NCBP3: variants seen among roughly 807,000 people sequenced by gnomAD.
NCBP3 encodes nuclear cap binding subunit 3.
Under a neutral mutation model 75.7 loss-of-function variants are expected in NCBP3, and 20 were observed. That is an observed-to-expected ratio of 0.26 (90% confidence interval 0.19 to 0.38). The LOEUF is 0.38. NCBP3 is among the 10% of genes least tolerant of loss of function. The probability of loss-of-function intolerance (pLI) is 1.00; values close to 1 mark genes in which losing one functional copy is unlikely to be tolerated. For synonymous variants in NCBP3, 293 were observed against 290.5 expected, an observed-to-expected ratio of 1.01 and a Z score of -0.09; for missense variants, 678 against 796.9, an observed-to-expected ratio of 0.85 and a Z score of 1.80.
Position 3,846,196 on chromosome 17 carries a change from A to C in NCBP3, c.28T>G (p.Ser10Ala). Residue 10 changes from serine to alanine, a missense_variant, in exon 1 of 13, where the codon TCG (serine) becomes GCG (alanine). This residue lies in a region of NCBP3 where 76 missense variants were observed against 53.8 expected (regional missense o/e 1.41). Transcript: ENST00000389005. This position sits in a 1 kb window ranked among gnomAD's most constrained non-coding sequence, Gnocchi z 4.6. ...CCCGCCGGGGCCTCCGCCTTCACCG[A>C]CACCCGCAGGCCCCGTACGGCCGCC... MAAVRGLRV[S>A]VKAEAPAGPA... The C allele has an allele frequency of 1.3e-6, 2 of 1,504,338 alleles. No homozygotes were observed. The allele number at this position is 1,504,338 out of a possible 1,614,324, so 93.2% of individuals were successfully genotyped here.
At chr17:3,813,599 C>T (rs906393102) in intron 12 of NCBP3, among the ~76,000 whole-genome samples, 2 of 152,250 alleles carry the variant, frequency 1.3e-5, no homozygotes, top group African/African-American at 4.8e-5. Context: ...AGACACCACC[C>T]TGTGTGCCAA....
chr17:3,812,419 A>T lies in NCBP3; in HGVS notation c.*625T>A. The stretch of plus-strand genomic sequence containing the variant: ...TTGATCTTCACATCAAGCTGACAGC[A>T]CGTAAGAGGCCCATGCCATGAGCAA... On this transcript the variant is annotated 3_prime_UTR_variant, in exon 13 of 13. Transcript: ENST00000389005. 1 of 688,222 alleles carries T rather than the reference A, an allele frequency of 1.5e-6. No homozygotes were observed. The highest frequency in any genetic ancestry group is 1.8e-6 in the Non-Finnish European group (1 of 557,722). 42.6% of individuals were successfully genotyped at this position (688,222 alleles called of 1,614,324 possible). A position where few individuals can be genotyped will look rare whatever the true frequency, so the allele number is the denominator to read the frequency against.
intron 3 of NCBP3, among the ~76,000 whole-genome samples, chr17:3,835,071 G>T (rs2053950611): frequency 6.6e-6 from 1 of 152,176 alleles, no homozygotes; most frequent in Non-Finnish European, 1.5e-5. Flanking sequence ...GAAGCCACGT[G>T]TACACAATGG....
At chr17:3,814,021 G>A (rs977192890) in intron 12 of NCBP3, among the ~76,000 whole-genome samples, 2 of 152,148 alleles carry the variant, frequency 1.3e-5, no homozygotes, top group East Asian at 1.9e-4. Flanking sequence ...ATAAAATGCT[G>A]TATGAAAAAA....
Position 3,818,190 on chromosome 17 carries a change from T to C in NCBP3, c.1310+73A>G. The C allele has an allele frequency of 8.9e-7, 1 of 1,122,116 alleles. No homozygotes were observed. Among genetic ancestry groups the C allele is most frequent in the East Asian group, 2.6e-5 (1 of 39,002 alleles). 69.5% of individuals were successfully genotyped at this position (1,122,116 alleles called of 1,614,324 possible). On this transcript the variant is annotated intron_variant, in intron 10 of 12. Transcript: ENST00000389005. This position sits in a 1 kb window ranked among gnomAD's most constrained non-coding sequence, Gnocchi z 4.7. Reference sequence around the variant, plus strand: ...GAATAGATAAAAGATATTATAAAATTAGGAGGAATTAAGAAGTTATACTAG... The same window carrying C: ...GAATAGATAAAAGATATTATAAAATCAGGAGGAATTAAGAAGTTATACTAG...
In NCBP3 at chr17:3,821,997, C is replaced by T; in HGVS notation, c.852G>A (p.Gly284=). 6.2e-7 allele frequency: 1 copy of T among 1,613,298 alleles called. No homozygotes were observed. The highest frequency in any genetic ancestry group is 8.5e-7 in the Non-Finnish European group (1 of 1,179,604). Residue 284 remains glycine, a synonymous_variant, in exon 8 of 13, where the codon GGG becomes GGA. Transcript: ENST00000389005. ...CTTTCATGCCTCCATAATTTGGATTCCCATATTTCATGTAATACTGACTTC... is the reference window on the plus strand; with the variant it reads ...CTTTCATGCCTCCATAATTTGGATTTCCATATTTCATGTAATACTGACTTC... ...ARRSQYYMKY[G]NPNYGGMKGI...
At chr17:3,823,817 G>A (rs2053718216) in intron 7 of NCBP3, 1 of 152,070 alleles carries the variant, frequency 6.6e-6, no homozygotes, top group Non-Finnish European at 1.5e-5. Flanking sequence ...TAAAGTGAAC[G>A]TCCCTAGGAC....
Position 3,816,281 on chromosome 17 carries a change from G to C in NCBP3, c.1311-11C>G, listed in dbSNP as rs779927418. 11 of 1,610,392 alleles carry C rather than the reference G, an allele frequency of 6.8e-6. No individual in the cohort carries two copies. The highest frequency in any genetic ancestry group is 8.5e-6 in the Non-Finnish European group (10 of 1,178,204). ...GCCCTCATGGAGTTCCTTTAAAAAGGGGGTAGGATGGGGCACAGTTAACCA... is the reference window on the plus strand; with the variant it reads ...GCCCTCATGGAGTTCCTTTAAAAAGCGGGTAGGATGGGGCACAGTTAACCA... On this transcript the variant is annotated splice_polypyrimidine_tract_variant and intron_variant, in intron 10 of 12. Coordinates refer to ENST00000389005, the MANE Select transcript of NCBP3 (RefSeq NM_001114118.3).
intron 10 of NCBP3, among the ~76,000 whole-genome samples, chr17:3,817,616 G>A (rs532944042): frequency 3.9e-5 from 6 of 151,996 alleles, no homozygotes; most frequent in South Asian, 4.1e-4. Context: ...GTGACAGAGC[G>A]AGACTCCGTC....
At chr17:3,823,052 G>A (rs890608362) in intron 7 of NCBP3, among the ~76,000 whole-genome samples, 5 of 152,182 alleles carry the variant, frequency 3.3e-5, no homozygotes, top group Non-Finnish European at 4.4e-5. Context: ...GATGGCTCAC[G>A]CCTGTAATCC....
intron 3 of NCBP3, among the ~76,000 whole-genome samples, chr17:3,837,698 C>T (rs2053998711): frequency 6.7e-6 from 1 of 148,548 alleles, no homozygotes; most frequent in Non-Finnish European, 1.5e-5. Context: ...TGCGCCACTG[C>T]ACTCCAGCCT....
Position 3,821,946 on chromosome 17 carries a change from G to A in NCBP3, c.896+7C>T, listed in dbSNP as rs199659806. ...AATACTATTGCATTTGAAGGTTTTG[G>A]ACTCACCATGAATTGCTAAGAATTC... is the stretch of plus-strand genomic sequence containing the variant. On this transcript the variant is annotated splice_region_variant and intron_variant, in intron 8 of 12. Coordinates refer to ENST00000389005, the MANE Select transcript of NCBP3 (RefSeq NM_001114118.3). 3.2e-6 allele frequency: 5 copies of A among 1,578,620 alleles called. No homozygotes were observed. The highest frequency in any genetic ancestry group is 4.3e-6 in the Non-Finnish European group (5 of 1,150,116).
intron 3 of NCBP3, among the ~76,000 whole-genome samples, chr17:3,835,158 C>T (rs1381535515): frequency 6.6e-6 from 1 of 152,166 alleles, no homozygotes; most frequent in Non-Finnish European, 1.5e-5. Context: ...AGACTGAAAG[C>T]AGAGGTTTGA....
Position 3,812,408 on chromosome 17 carries a change from A to C in NCBP3, c.*636T>G. The C allele has an allele frequency of 1.6e-6, 1 of 613,346 alleles. No individual in the cohort carries two copies. Among genetic ancestry groups the C allele is most frequent in the Non-Finnish European group, 2.0e-6 (1 of 489,340 alleles). 38.0% of individuals were successfully genotyped at this position (613,346 alleles called of 1,614,324 possible). On this transcript the variant is annotated 3_prime_UTR_variant, in exon 13 of 13. Coordinates refer to ENST00000389005, the MANE Select transcript of NCBP3 (RefSeq NM_001114118.3). ...CAGCACTGAACTTGATCTTCACATCAAGCTGACAGCACGTAAGAGGCCCAT... is the reference window on the plus strand; with the variant it reads ...CAGCACTGAACTTGATCTTCACATCCAGCTGACAGCACGTAAGAGGCCCAT...
At chr17:3,823,665 C>T (rs1206158432) in intron 7 of NCBP3, 1 of 152,154 alleles carries the variant, frequency 6.6e-6, no homozygotes, top group African/African-American at 2.4e-5. Flanking sequence ...TCAAGTGATC[C>T]TTCTGCCTCA....
In NCBP3 at chr17:3,802,174, T is replaced by C. The variant is rs148808417; in HGVS notation, c.*10870A>G. ...AACAACTGATGAACTGAATTTTGTA[T>C]ATTTTATTTAATTTTAATTAAACGT... On this transcript the variant is annotated 3_prime_UTR_variant, in exon 13 of 13. Coordinates refer to ENST00000389005, the MANE Select transcript of NCBP3 (RefSeq NM_001114118.3). 1 of 152,338 alleles carries C rather than the reference T, an allele frequency of 6.6e-6. No individual in the cohort carries two copies. The highest frequency in any genetic ancestry group is 1.9e-4 in the East Asian group (1 of 5,194). The allele number at this position is 152,338 out of a possible 1,614,324, so 9.4% of individuals were successfully genotyped here.
intron 2 of NCBP3, 145 bp from the exon 3 acceptor site, chr17:3,840,350 T>C (rs541285213): frequency 1.0e-4 from 67 of 659,262 alleles, no homozygotes; most frequent in Admixed American, 9.0e-4. Context: ...GGCAGAGACC[T>C]GGATATTCAC....
At position 3,846,070 on chromosome 17, in the gene NCBP3, C is replaced by A; in HGVS notation, c.154G>T (p.Val52Leu). 6.5e-7 allele frequency: 1 copy of A among 1,549,404 alleles called. No individual in the cohort carries two copies. The highest frequency in any genetic ancestry group is 1.2e-5 in the South Asian group (1 of 84,038). ...VEEGELEIVP[V>L]RRSLKELIPD... ...ATCAGTTCCTTGAGCGAGCGCCGCA[C>A]AGGCACGATTTCCAGCTCGCCCTCC... Residue 52 changes from valine (V) to leucine (L), a missense_variant, in exon 1 of 13, where the codon GTG becomes TTG. Transcript: ENST00000389005. The surrounding 1 kb of genome is among the most constrained non-coding windows in gnomAD (Gnocchi z 4.6).
chr17:3,812,535 T>C lies in NCBP3; in HGVS notation c.*509A>G, dbSNP rs894840534. The C allele has an allele frequency of 1.6e-5, 16 of 1,001,060 alleles. No homozygotes were observed. In the African/African-American group the frequency reaches 2.6e-4, roughly 16 times the overall value. 62.0% of individuals were successfully genotyped at this position (1,001,060 alleles called of 1,614,324 possible). On this transcript the variant is annotated 3_prime_UTR_variant, in exon 13 of 13. Transcript: ENST00000389005. ...CACCTCTGAGGTCAGGTCCGTGAGA[T>C]TCGCCCCACACTAGGGTCCCGGAAG...
Sources: gnomAD v4.1 joint callset for allele counts (sites outside exome capture counted in the v4.1 genomes callset) on GRCh38, gnomAD v4.1.1 for gene constraint, gnomAD v4.1.1 regional missense constraint, Gnocchi (gnomAD v3.1) non-coding constraint, MANE v1.5 for transcripts, NCBI Gene and HGNC (gene_info 2026-07-23, HGNC 2026-07-21) for gene names.